Variants in ARMC8 observed in about 807,000 individuals in gnomAD.
The protein encoded by ARMC8 is armadillo repeat-containing protein 8.
ARMC8 carries 20 observed loss-of-function variants against 99.3 expected under a neutral mutation model. The observed-to-expected ratio is 0.20, with a 90% CI of 0.14 to 0.29. The LOEUF (loss-of-function observed/expected upper bound fraction) is 0.29, where lower values mean the gene tolerates loss of function less well. Ranked by LOEUF, ARMC8 falls within the 10% of genes least tolerant of loss-of-function variation. The probability of loss-of-function intolerance (pLI) is 1.00; values close to 1 mark genes in which losing one functional copy is unlikely to be tolerated. For synonymous variants in ARMC8, 263 were observed against 278.3 expected (o/e 0.95, Z 0.55); for missense variants, 569 against 809.5 (o/e 0.70, Z 3.60).
At chr3:138,190,859 T>TAA in intron 1 of ARMC8, among the ~76,000 whole-genome samples, 1 of 152,312 alleles carries the variant, frequency 6.6e-6, no homozygotes, top group Middle Eastern at 3.4e-3. Flanking sequence ...GAAAAATAGA[T>TAA]ATCAAATAAT....
intron 6 of ARMC8, among the ~76,000 whole-genome samples, chr3:138,229,769 T>G (rs1051422486): frequency 1.3e-5 from 2 of 152,238 alleles, no homozygotes; most frequent in African/African-American, 4.8e-5. Flanking sequence ...CATGGGTGAT[T>G]ACTTGAGATC....
In ARMC8 at chr3:138,266,527, C is replaced by A. The variant is rs115901059; in HGVS notation, c.1300-628C>A. Among the ~76,000 whole-genome samples, 528 of 152,222 alleles carry A rather than the reference C, an allele frequency of 3.5e-3. 2 individuals carry two copies. Among genetic ancestry groups the A allele is most frequent in the African/African-American group, 0.012 (499 of 41,516 alleles). ...TTTTCATTTCCCTGCTACGGTACTTCCCTTATTATTCACTATATCACATTT... is the reference window on the plus strand; with the variant it reads ...TTTTCATTTCCCTGCTACGGTACTTACCTTATTATTCACTATATCACATTT... On this transcript the variant is annotated intron_variant, in intron 14 of 21. Transcript: ENST00000469044.
At chr3:138,228,348 C>G (rs1303863742) in intron 5 of ARMC8, among the ~76,000 whole-genome samples, 1 of 152,150 alleles carries the variant, frequency 6.6e-6, no homozygotes, top group East Asian at 1.9e-4. Flanking sequence ...TTCTCTTTTT[C>G]TGTGCTTTTA....
chr3:138,260,099 C>T (rs969023999), intron 12 of ARMC8, among the ~76,000 whole-genome samples: 1 of 152,192 alleles, frequency 6.6e-6, no homozygotes, highest in Non-Finnish European at 1.5e-5. Context: ...CAAAACCATG[C>T]CTGTCACTCT....
intron 14 of ARMC8, among the ~76,000 whole-genome samples, chr3:138,266,365 A>G (rs2108277838): frequency 6.6e-6 from 1 of 152,228 alleles, no homozygotes; most frequent in South Asian, 2.1e-4. Context: ...TCCCACCAGC[A>G]AAAGTTTATT....
chr3:138,225,622 T>G (rs758881357), intron 5 of ARMC8, among the ~76,000 whole-genome samples: 2 of 152,210 alleles, frequency 1.3e-5, no homozygotes, highest in Non-Finnish European at 2.9e-5. Flanking sequence ...GAAAGAATCC[T>G]GAGACAAGTT....
chr3:138,293,488 G>C (rs114705527), intron 21 of ARMC8, among the ~76,000 whole-genome samples: 6,089 of 151,978 alleles, frequency 0.04, 134 homozygotes, highest in South Asian at 0.098. Context: ...GTGGTGAGCC[G>C]AGATTGCACC....
At chr3:138,261,739 A>G (rs572434512) in intron 12 of ARMC8, 2 of 152,372 alleles carry the variant, frequency 1.3e-5, no homozygotes, top group African/African-American at 4.8e-5. Flanking sequence ...ATGTGAGAAC[A>G]TTATGGAAAG....
intron 12 of ARMC8, 30 bp downstream of exon 12, chr3:138,245,213 C>A: frequency 1.9e-6 from 3 of 1,614,208 alleles, no homozygotes; most frequent in Non-Finnish European, 2.5e-6. Flanking sequence ...GTCCCCCAGT[C>A]CTGACAGCCA....
intron 1 of ARMC8, among the ~76,000 whole-genome samples, chr3:138,203,673 G>A (rs2044202181): frequency 6.6e-6 from 1 of 152,206 alleles, no homozygotes; most frequent in Non-Finnish European, 1.5e-5. Flanking sequence ...CCTCACTCAA[G>A]GTGAGGGATT....
chr3:138,211,051 T>C (rs2044666796), intron 2 of ARMC8, among the ~76,000 whole-genome samples: 2 of 152,212 alleles, frequency 1.3e-5, no homozygotes. Context: ...GACTTTATAA[T>C]TATTTAATCA....
At chr3:138,190,385 C>T (rs1419129251) in intron 1 of ARMC8, among the ~76,000 whole-genome samples, 1 of 148,294 alleles carries the variant, frequency 6.7e-6, no homozygotes, top group Non-Finnish European at 1.5e-5. Context: ...CTCCGGGGTT[C>T]AAGCGATTCT....
At chr3:138,290,019 C>T (rs1485066987) in intron 20 of ARMC8, among the ~76,000 whole-genome samples, 1 of 152,134 alleles carries the variant, frequency 6.6e-6, no homozygotes, top group Non-Finnish European at 1.5e-5. Flanking sequence ...GACAAAGCCA[C>T]CCTCAAGGAG....
chr3:138,267,068 C>G, intron 14 of ARMC8, 87 bp from the exon 15 acceptor site: 1 of 735,388 alleles, frequency 1.4e-6, no homozygotes. Context: ...GATAATTGTT[C>G]TTGTTTTTAT....
At chr3:138,244,160 C>G (rs1460032714) in intron 11 of ARMC8, among the ~76,000 whole-genome samples, 1 of 151,974 alleles carries the variant, frequency 6.6e-6, no homozygotes, top group East Asian at 1.9e-4. Context: ...AAAACCCATA[C>G]CCAACATAAA....
intron 1 of ARMC8, among the ~76,000 whole-genome samples, 194 bp from the exon 2 acceptor site, chr3:138,209,623 A>G (rs2044583434): frequency 6.6e-6 from 1 of 152,154 alleles, no homozygotes; most frequent in South Asian, 2.1e-4. Context: ...GTTTCCCATT[A>G]TTTTGATACC....
chr3:138,275,058 C>A (rs547399060), intron 18 of ARMC8, among the ~76,000 whole-genome samples: 1 of 152,062 alleles, frequency 6.6e-6, no homozygotes, highest in African/African-American at 2.4e-5. Flanking sequence ...TATTAAAGTA[C>A]GAAGCTGTGC....
At chr3:138,212,841 G>A (rs1010787369) in intron 2 of ARMC8, among the ~76,000 whole-genome samples, 2 of 152,106 alleles carry the variant, frequency 1.3e-5, no homozygotes, top group African/African-American at 2.4e-5. Flanking sequence ...GGTAGAGGCC[G>A]AAATAGCATT....
At chr3:138,232,020 G>GA (rs1330222379) in intron 6 of ARMC8, among the ~76,000 whole-genome samples, 2 of 113,490 alleles carry the variant, frequency 1.8e-5, no homozygotes, top group African/African-American at 6.8e-5. Context: ...TTCCAGGCTA[G>GA]AGTGTAGTGG....
Sources: allele counts gnomAD v4.1 joint callset (sites outside exome capture counted in the v4.1 genomes callset), GRCh38; gene constraint gnomAD v4.1.1; transcripts MANE v1.5; gene names NCBI Gene and HGNC (gene_info 2026-07-23, HGNC 2026-07-21).